DHX40: variants seen among roughly 807,000 people sequenced by gnomAD.
DHX40 encodes DEAH-box helicase 40.
In DHX40, 28 loss-of-function variants were observed where a neutral mutation model predicts 89.6. That is an observed-to-expected ratio of 0.31 (90% CI 0.23 to 0.43). DHX40 has a LOEUF of 0.43. Among genes scored for constraint, DHX40 ranks in the 20% least tolerant of loss-of-function variants. DHX40 has a pLI of 1.00. For missense variants in DHX40, 457 were observed against 844.0 expected, an observed-to-expected ratio of 0.54 and a Z score of 5.68; for synonymous variants, 226 against 283.6, an observed-to-expected ratio of 0.80 and a Z score of 2.04.
At chr17:59,602,689 A>G in intron 15 of DHX40, 73 bp downstream of exon 15, 2 of 1,245,660 alleles carry the variant, frequency 1.6e-6, no homozygotes, top group Non-Finnish European at 2.3e-6. Flanking sequence ...ACTATTTAAT[A>G]TTAAACATTG....
intron 3 of DHX40, among the ~76,000 whole-genome samples, chr17:59,571,795 A>T (rs2143215817): frequency 6.6e-6 from 1 of 151,862 alleles, no homozygotes; most frequent in East Asian, 2.0e-4. Context: ...TTGGTCTCAA[A>T]TTCCTGACCT....
At chr17:59,587,805 G>C in intron 11 of DHX40, 91 bp from the exon 12 acceptor site, 1 of 1,539,728 alleles carries the variant, frequency 6.5e-7, no homozygotes. Context: ...TGGAGGTAAC[G>C]TAAATTATAT....
Position 59,565,706 on chromosome 17 carries a change from C to T in DHX40, c.35C>T (p.Pro12Leu), listed in dbSNP as rs143836506. The change falls in exon 1 of 18, where the codon CCA becomes CTA. Residue 12 changes from proline (P) to leucine (L), a missense_variant. Pro to Leu is a moderately conservative substitution (Grantham distance 98). Coordinates refer to ENST00000251241, the MANE Select transcript of DHX40 (RefSeq NM_024612.5). The part of the protein sequence containing the change: ...SRFPAVAGRA[P>L]RRQEEGERSR... ...TTTCCCGCAGTCGCGGGCAGGGCGC[C>T]AAGGCGGCAGGAGGAGGGTGAGCGG... 154 of 1,603,522 alleles carry T rather than the reference C, an allele frequency of 9.6e-5. No homozygotes were observed. The highest frequency in any genetic ancestry group is 1.2e-4 in the Non-Finnish European group (145 of 1,179,620).
chr17:59,568,919 C>T (rs184239190), intron 2 of DHX40, among the ~76,000 whole-genome samples: 11 of 151,964 alleles, frequency 7.2e-5, no homozygotes, highest in African/African-American at 2.4e-4. Flanking sequence ...CCAGGCTGAT[C>T]TCAAACTCCT....
intron 2 of DHX40, 51 bp from the exon 3 acceptor site, chr17:59,570,467 A>T: frequency 6.5e-7 from 1 of 1,539,088 alleles, no homozygotes; most frequent in Non-Finnish European, 8.8e-7. Flanking sequence ...TAGCTCTAAT[A>T]GGAAGACAAT....
intron 3 of DHX40, among the ~76,000 whole-genome samples, chr17:59,572,107 A>ATT (rs984684429): frequency 6.6e-5 from 10 of 152,322 alleles, no homozygotes; most frequent in African/African-American, 2.4e-4. Context: ...GCACCAACAA[A>ATT]TTTAAAATTT....
At chr17:59,569,678 T>A (rs2048760167) in intron 2 of DHX40, among the ~76,000 whole-genome samples, 1 of 140,008 alleles carries the variant, frequency 7.1e-6, no homozygotes. Flanking sequence ...AGAGCAATAC[T>A]CCGTCTCAAA....
chr17:59,587,261 T>C (rs1396808066), intron 11 of DHX40, among the ~76,000 whole-genome samples: 1 of 151,760 alleles, frequency 6.6e-6, no homozygotes, highest in Non-Finnish European at 1.5e-5. Context: ...TTTACTCTTG[T>C]TGCCCAGACT....
intron 15 of DHX40, among the ~76,000 whole-genome samples, chr17:59,602,865 T>C (rs890452077): frequency 1.3e-5 from 2 of 152,102 alleles, no homozygotes; most frequent in Non-Finnish European, 2.9e-5. Flanking sequence ...TTATCTTCAC[T>C]TAAGGCAAGT....
At position 59,570,520 on chromosome 17, in the gene DHX40, T is replaced by G. The variant is rs764600219; in HGVS notation, c.283T>G (p.Phe95Val). 6.3e-7 allele frequency: 1 copy of G among 1,593,064 alleles called. No homozygotes were observed. The change falls in exon 3 of 18, where the codon TTT (phenylalanine) becomes GTT (valine). Residue 95 changes from phenylalanine to valine, a missense_variant and splice_region_variant. Transcript: ENST00000251241. ...QLPKYLYEAG[F>V]SQHGMIGVTQ... The stretch of plus-strand genomic sequence containing the variant: ...TTCTTTATCTCTGGTTTTGATAGGG[T>G]TTTCACAACATGGTATGATTGGTGT...
In DHX40 at chr17:59,575,385, CAG is replaced by C; in HGVS notation, c.890_891del (p.Glu297ValfsTer3). The C allele has an allele frequency of 6.2e-7, 1 of 1,606,100 alleles. No individual in the cohort carries two copies. Among genetic ancestry groups the C allele is most frequent in the Non-Finnish European group, 8.5e-7 (1 of 1,176,980 alleles). On this transcript the variant is annotated frameshift_variant, in exon 7 of 18. Transcript: ENST00000251241. LOFTEE classifies it high-confidence loss of function. The stretch of plus-strand genomic sequence containing the variant: ...AGTTGTGAGTTACTTTTTCAGATGG[CAG>C]AGTCTGTTGATTATGATTATGATGT...
intron 10 of DHX40, among the ~76,000 whole-genome samples, chr17:59,580,820 G>A (rs552864813): frequency 2.1e-4 from 32 of 151,050 alleles, no homozygotes; most frequent in Non-Finnish European, 3.5e-4. Flanking sequence ...GGTGGCTCAC[G>A]TCTGTAATCC....
intron 16 of DHX40, 103 bp from the exon 17 acceptor site, chr17:59,605,343 G>A (rs2030776463): frequency 1.5e-6 from 2 of 1,346,474 alleles, no homozygotes; most frequent in Non-Finnish European, 2.0e-6. Flanking sequence ...CCTGTTTGAA[G>A]AAGATAGGAA....
chr17:59,586,378 A>G, intron 11 of DHX40, 145 bp downstream of exon 11: 1 of 835,018 alleles, frequency 1.2e-6, no homozygotes, highest in Admixed American at 2.9e-5. Context: ...TGATTGAAAA[A>G]CCAGCCGGGC....
chr17:59,578,918 G>A (rs1311788337), intron 8 of DHX40, among the ~76,000 whole-genome samples: 6 of 131,616 alleles, frequency 4.6e-5, no homozygotes, highest in Admixed American at 8.2e-5. Context: ...TTTGAGGTTC[G>A]TCCACATTGT....
chr17:59,589,389 T>G (rs1314882442), intron 12 of DHX40, among the ~76,000 whole-genome samples: 2 of 150,838 alleles, frequency 1.3e-5, no homozygotes, highest in Non-Finnish European at 3.0e-5. Context: ...GCCCGGCTAA[T>G]TTTTTGCATT....
intron 12 of DHX40, among the ~76,000 whole-genome samples, chr17:59,592,203 T>C (rs1174736269): frequency 6.6e-6 from 1 of 151,834 alleles, no homozygotes; most frequent in African/African-American, 2.4e-5. Context: ...GATACAATAT[T>C]ATTATCTAAT....
intron 12 of DHX40, among the ~76,000 whole-genome samples, chr17:59,592,528 T>C (rs1220594079): frequency 6.7e-6 from 1 of 150,288 alleles, no homozygotes. Flanking sequence ...TAAACACTTT[T>C]CTTATTTTTT....
At chr17:59,596,677 G>C (rs2030100743) in intron 12 of DHX40, among the ~76,000 whole-genome samples, 1 of 152,232 alleles carries the variant, frequency 6.6e-6, no homozygotes, top group Admixed American at 6.5e-5. Flanking sequence ...TGTATGGTCT[G>C]AGATAAATCA....
Sources: gnomAD v4.1 joint callset for allele counts (sites outside exome capture counted in the v4.1 genomes callset) on GRCh38, gnomAD v4.1.1 for gene constraint, MANE v1.5 for transcripts, NCBI Gene and HGNC (gene_info 2026-07-23, HGNC 2026-07-21) for gene names.